CCDC62: variants seen among roughly 807,000 people sequenced by gnomAD.
The protein encoded by CCDC62 is coiled-coil domain containing 62.
CCDC62 carries 72 observed loss-of-function variants against 80.8 expected under a neutral mutation model. The ratio of observed to expected loss-of-function variants is 0.89; its 90% CI spans 0.74 to 1.08. The LOEUF (loss-of-function observed/expected upper bound fraction) is 1.08, where lower values mean the gene tolerates loss of function less well. Among genes scored for constraint, CCDC62 ranks in the 50% least tolerant of loss-of-function variants. The pLI is 0.00. For synonymous variants in CCDC62, 286 were observed against 296.5 expected, an observed-to-expected ratio of 0.96 and a Z score of 0.36; for missense variants, 704 against 809.4, an observed-to-expected ratio of 0.87 and a Z score of 1.58.
At chr12:122,805,073 T>C (rs1055650647) in intron 9 of CCDC62, among the ~76,000 whole-genome samples, 33 of 151,032 alleles carry the variant, frequency 2.2e-4, no homozygotes, top group African/African-American at 7.3e-4. Flanking sequence ...TTAGTAGAGA[T>C]GGAGTTTTAC....
chr12:122,814,336 T>G (rs1593830807), intron 11 of CCDC62, among the ~76,000 whole-genome samples: 1 of 146,810 alleles, frequency 6.8e-6, no homozygotes, highest in East Asian at 2.0e-4. Context: ...ATTTCAAATA[T>G]GCACTGAAGT....
At chr12:122,776,688 G>A (rs994577664) in intron 1 of CCDC62, 1 of 152,184 alleles carries the variant, frequency 6.6e-6, no homozygotes, top group African/African-American at 2.4e-5. Context: ...CTTAGATGTT[G>A]TAGTTGTCAT....
intron 12 of CCDC62, among the ~76,000 whole-genome samples, chr12:122,825,494 G>A (rs898697083): frequency 5.5e-5 from 8 of 146,116 alleles, no homozygotes; most frequent in Non-Finnish European, 1.2e-4. Flanking sequence ...TTACAGGCAT[G>A]TGCCACCATG....
At position 122,774,668 on chromosome 12, in the gene CCDC62, C is replaced by T; in HGVS notation, c.-3C>T. On this transcript the variant is annotated 5_prime_UTR_variant, in exon 1 of 13. Coordinates refer to ENST00000253079, the MANE Select transcript of CCDC62 (RefSeq NM_201435.5). ...GGCTTCTCCGGGGGCGGAGGAAACA[C>T]CTATGAACCCTCCGGCAGCCTTCCT... The T allele has an allele frequency of 8.0e-7, 1 of 1,254,096 alleles. No individual in the cohort carries two copies. The highest frequency in any genetic ancestry group is 1.0e-6 in the Non-Finnish European group (1 of 990,432). The allele number at this position is 1,254,096 out of a possible 1,614,324, so 77.7% of individuals were successfully genotyped here.
intron 2 of CCDC62, among the ~76,000 whole-genome samples, chr12:122,780,614 AAAAAT>A (rs57578843): frequency 0.13 from 18,193 of 136,252 alleles, 1,577 homozygotes; most frequent in East Asian, 0.26. Context: ...ACTCTGTCTC[AAAAAT>A]AAAATAAAAT....
intron 9 of CCDC62, among the ~76,000 whole-genome samples, chr12:122,802,410 C>CA (rs1555256373): frequency 7.9e-4 from 100 of 126,854 alleles, no homozygotes; most frequent in African/African-American, 2.8e-3. Flanking sequence ...TATCTCTACA[C>CA]TTTTTTTTTT....
chr12:122,823,557 T>C (rs1251692569), intron 12 of CCDC62, 98 bp downstream of exon 12: 2 of 662,606 alleles, frequency 3.0e-6, no homozygotes, highest in East Asian at 2.5e-5. Flanking sequence ...TGCATTTGTT[T>C]GACTTGTAAT....
At chr12:122,776,055 G>A (rs1271197100) in intron 1 of CCDC62, among the ~76,000 whole-genome samples, 2 of 152,214 alleles carry the variant, frequency 1.3e-5, no homozygotes, top group Non-Finnish European at 2.9e-5. Context: ...CATAGGCAGG[G>A]ACAGCACCAT....
intron 10 of CCDC62, among the ~76,000 whole-genome samples, chr12:122,812,956 G>A (rs1168052293): frequency 1.3e-5 from 2 of 152,050 alleles, no homozygotes; most frequent in African/African-American, 4.8e-5. Flanking sequence ...CCAGCACTTT[G>A]GGAGGCCGAG....
At chr12:122,824,613 AT>A (rs1393324207) in intron 12 of CCDC62, among the ~76,000 whole-genome samples, 4 of 139,662 alleles carry the variant, frequency 2.9e-5, no homozygotes, top group African/African-American at 7.6e-5. Flanking sequence ...GAGGTTATCC[AT>A]AAAGAACTAA....
chr12:122,792,537 G>C (rs996124379), intron 6 of CCDC62, among the ~76,000 whole-genome samples: 2 of 150,396 alleles, frequency 1.3e-5, no homozygotes, highest in African/African-American at 4.9e-5. Flanking sequence ...ATTTTTTTCT[G>C]AGACAGAGTC....
In CCDC62 at chr12:122,797,333, T is replaced by C; in HGVS notation, c.799T>C (p.Leu267=). Residue 267 remains leucine (L), a synonymous_variant, in exon 7 of 13, where the codon TTG becomes CTG. Coordinates refer to ENST00000253079, the MANE Select transcript of CCDC62 (RefSeq NM_201435.5). ...AGAGAGAGAAAAGAGGAAAGATGAA[T>C]TGCTTAATATTGCGAAGTCAAAGCA... The part of the protein sequence containing the change: ...TVEREKRKDE[L]LNIAKSKQER... 6.3e-7 allele frequency: 1 copy of C among 1,583,794 alleles called. No individual in the cohort carries two copies. Among genetic ancestry groups the C allele is most frequent in the Non-Finnish European group, 8.7e-7 (1 of 1,152,924 alleles).
chr12:122,790,881 C>T (rs1380463280), intron 5 of CCDC62, among the ~76,000 whole-genome samples: 1 of 152,044 alleles, frequency 6.6e-6, no homozygotes, highest in African/African-American at 2.4e-5. Context: ...ACAAAAGATG[C>T]TTCTGTCACT....
rs768699322 is a variant in CCDC62, at chr12:122,801,124, C to CA, written c.979dup (p.Arg327LysfsTer9). ...CATTTTTTTTCTAATGCCACCATAG[C>CA]AGAGACATGTGTTTATCAGACCTTG... On this transcript the variant is annotated frameshift_variant and splice_region_variant, in exon 9 of 13. Coordinates refer to ENST00000253079, the MANE Select transcript of CCDC62 (RefSeq NM_201435.5). LOFTEE classifies it high-confidence loss of function. 7.0e-5 allele frequency: 113 copies of CA among 1,603,814 alleles called. No homozygotes were observed. The highest frequency in any genetic ancestry group is 2.3e-4 in the Admixed American group (13 of 57,354).
At chr12:122,809,856 A>G (rs899389872) in intron 10 of CCDC62, among the ~76,000 whole-genome samples, 3 of 152,154 alleles carry the variant, frequency 2.0e-5, no homozygotes, top group Admixed American at 2.0e-4. Context: ...GCCCTCAGAA[A>G]TAATACCACA....
chr12:122,812,973 G>A (rs1252720110), intron 10 of CCDC62, among the ~76,000 whole-genome samples: 1 of 152,070 alleles, frequency 6.6e-6, no homozygotes, highest in Non-Finnish European at 1.5e-5. Flanking sequence ...CGAGGCAGGA[G>A]GGTAACTTGA....
chr12:122,778,285 C>T (rs1301925633), intron 2 of CCDC62, among the ~76,000 whole-genome samples: 4 of 149,344 alleles, frequency 2.7e-5, no homozygotes, highest in African/African-American at 4.9e-5. Context: ...ACCCAGGAGG[C>T]GGAGGTTGCA....
chr12:122,808,945 A>T (rs533212678), intron 10 of CCDC62, among the ~76,000 whole-genome samples: 5 of 152,216 alleles, frequency 3.3e-5, no homozygotes, highest in South Asian at 4.1e-4. Context: ...TAAATTCCAG[A>T]CATTCTAATA....
intron 9 of CCDC62, among the ~76,000 whole-genome samples, chr12:122,802,592 T>G (rs2031375826): frequency 6.6e-6 from 1 of 151,862 alleles, no homozygotes; most frequent in Admixed American, 6.6e-5. Flanking sequence ...TTTTATAAGT[T>G]TTGTAAAGAT....
Sources: gnomAD v4.1 joint callset for allele counts (sites outside exome capture counted in the v4.1 genomes callset) on GRCh38, gnomAD v4.1.1 for gene constraint, MANE v1.5 for transcripts, NCBI Gene and HGNC (gene_info 2026-07-23, HGNC 2026-07-21) for gene names.